LARS1: variants seen among roughly 807,000 people sequenced by gnomAD.
The protein encoded by LARS1 is leucyl-tRNA synthetase 1, also known as leucine--tRNA ligase, cytoplasmic.
LARS1 carries 100 observed loss-of-function variants against 162.8 expected under a neutral mutation model. That is an observed-to-expected ratio of 0.61 (90% confidence interval 0.52 to 0.73). The LOEUF (loss-of-function observed/expected upper bound fraction) is 0.73, where lower values mean the gene tolerates loss of function less well. Ranked by LOEUF, LARS1 falls within the 30% of genes least tolerant of loss-of-function variation. The pLI is 0.00. For missense variants in LARS1, 1,258 were observed against 1,408.9 expected (o/e 0.89, Z 1.71); for synonymous variants, 457 against 462.8 (o/e 0.99, Z 0.16).
intron 21 of LARS1, among the ~76,000 whole-genome samples, chr5:146,136,311 A>G (rs1217236773): frequency 1.3e-5 from 2 of 152,232 alleles, no homozygotes; most frequent in African/African-American, 4.8e-5. Context: ...ACTTTCAGAC[A>G]GCCAAAGAAA....
Position 146,114,058 on chromosome 5 carries a change from G to C in LARS1, c.*48C>G, listed in dbSNP as rs1489043762. On this transcript the variant is annotated 3_prime_UTR_variant, in exon 32 of 32. Coordinates refer to ENST00000394434, the MANE Select transcript of LARS1 (RefSeq NM_020117.11). ...TAGCCAATCAGTAGACACAATCAGA[G>C]TAGTAGTATTCCTAAGAAACCAGGA... The C allele has an allele frequency of 7.2e-7, 1 of 1,390,360 alleles. No individual in the cohort carries two copies. The highest frequency in any genetic ancestry group is 1.0e-6 in the Non-Finnish European group (1 of 978,100). 86.1% of individuals were successfully genotyped at this position (1,390,360 alleles called of 1,614,324 possible). A position where few individuals can be genotyped will look rare whatever the true frequency, so the allele number is the denominator to read the frequency against.
In LARS1 at chr5:146,144,551, A is replaced by T. The variant is rs1303882872; in HGVS notation, c.1590-14T>A. On this transcript the variant is annotated splice_polypyrimidine_tract_variant and intron_variant, in intron 16 of 31. Coordinates refer to ENST00000394434, the MANE Select transcript of LARS1 (RefSeq NM_020117.11). ...TAATCCAAGTACCTGGGAGTGGACA[A>T]ATTGATATGTTTTTTTTTAAGTCAA... The T allele has an allele frequency of 1.2e-6, 2 of 1,613,714 alleles. No individual in the cohort carries two copies. Among genetic ancestry groups the T allele is most frequent in the Non-Finnish European group, 1.7e-6 (2 of 1,179,846 alleles).
chr5:146,115,520 C>G (rs571638029), intron 31 of LARS1, among the ~76,000 whole-genome samples: 67 of 145,500 alleles, frequency 4.6e-4, no homozygotes, highest in Admixed American at 2.8e-3. Context: ...AGGTCTAATA[C>G]CCACCCTGCT....
At chr5:146,169,125 A>T (rs1367401814) in intron 4 of LARS1, among the ~76,000 whole-genome samples, 3 of 151,766 alleles carry the variant, frequency 2.0e-5, no homozygotes, top group Admixed American at 6.6e-5. Flanking sequence ...GAAAGAAAGA[A>T]AGATAGATTA....
intron 22 of LARS1, among the ~76,000 whole-genome samples, chr5:146,135,342 G>A (rs1313544353): frequency 1.3e-5 from 2 of 152,020 alleles, no homozygotes; most frequent in South Asian, 4.2e-4. Context: ...TACAAAACAA[G>A]TCTTGAATCT....
intron 20 of LARS1, 33 bp from the exon 21 acceptor site, chr5:146,140,294 A>G: frequency 6.4e-7 from 1 of 1,560,522 alleles, no homozygotes; most frequent in South Asian, 1.1e-5. Context: ...ATAGAAAATA[A>G]AAAAACAAAG....
chr5:146,140,128 TAA>T, intron 21 of LARS1, 74 bp downstream of exon 21: 1 of 1,140,558 alleles, frequency 8.8e-7, no homozygotes, highest in Non-Finnish European at 1.3e-6. Context: ...TACATACATT[TAA>T]AAAAAAGTGC....
intron 30 of LARS1, among the ~76,000 whole-genome samples, chr5:146,121,966 A>C (rs1751842167): frequency 6.6e-6 from 1 of 152,144 alleles, no homozygotes; most frequent in Non-Finnish European, 1.5e-5. Flanking sequence ...CCCAGAACTT[A>C]AATTAAAAAA....
chr5:146,164,501 T>A, intron 5 of LARS1, 30 bp from the exon 6 acceptor site: 1 of 1,606,748 alleles, frequency 6.2e-7, no homozygotes. Flanking sequence ...ATAAACTCGA[T>A]CAAAGAATAA....
intron 30 of LARS1, among the ~76,000 whole-genome samples, chr5:146,120,721 A>T (rs974555503): frequency 9.9e-5 from 15 of 152,190 alleles, no homozygotes; most frequent in African/African-American, 3.6e-4. Flanking sequence ...ATCAACACCA[A>T]TGATGGACAC....
chr5:146,131,156 T>C (rs1012482225), intron 23 of LARS1, 47 bp from the exon 24 acceptor site: 1 of 890,128 alleles, frequency 1.1e-6, no homozygotes, highest in Non-Finnish European at 1.7e-6. Flanking sequence ...AAGGCACTTA[T>C]ACATAGCTAT....
chr5:146,147,546 G>A (rs767743611), intron 15 of LARS1, among the ~76,000 whole-genome samples: 7 of 151,834 alleles, frequency 4.6e-5, no homozygotes, highest in Non-Finnish European at 1.0e-4. Context: ...TTTTCCATAC[G>A]ATTCTTTAAA....
rs140358878 is a variant in LARS1 at position 146,160,242 on chromosome 5, C to T, written c.707+132G>A. 688 of 478,182 alleles carry T rather than the reference C, an allele frequency of 1.4e-3. 13 individuals carry two copies. In the East Asian group the frequency reaches 0.022, roughly 15 times the overall value. The allele number at this position is 478,182 out of a possible 1,614,324, so 29.6% of individuals were successfully genotyped here. ...AAAGAGATGTGGTCTCGCTATGTTGCCCAGGCTGGTCTCAAACTCCTGGCC... is the reference window on the plus strand; with the variant it reads ...AAAGAGATGTGGTCTCGCTATGTTGTCCAGGCTGGTCTCAAACTCCTGGCC... On this transcript the variant is annotated intron_variant, in intron 7 of 31. Coordinates refer to ENST00000394434, the MANE Select transcript of LARS1 (RefSeq NM_020117.11).
intron 12 of LARS1, among the ~76,000 whole-genome samples, 200 bp downstream of exon 12, chr5:146,153,534 A>T (rs1176544150): frequency 7.2e-6 from 1 of 139,824 alleles, no homozygotes; most frequent in Non-Finnish European, 1.5e-5. Flanking sequence ...AAATGTGAAT[A>T]TCAGAAAGCT....
intron 31 of LARS1, among the ~76,000 whole-genome samples, chr5:146,118,939 C>G (rs975560166): frequency 1.3e-5 from 2 of 152,196 alleles, no homozygotes; most frequent in Non-Finnish European, 2.9e-5. Context: ...TATACTGTTG[C>G]TGCTGATGCT....
chr5:146,154,763 G>A (rs1456628204), intron 10 of LARS1, among the ~76,000 whole-genome samples: 2 of 152,060 alleles, frequency 1.3e-5, no homozygotes, highest in East Asian at 3.9e-4. Flanking sequence ...GGGTGACAGA[G>A]GGAGACCCCG....
intron 29 of LARS1, among the ~76,000 whole-genome samples, chr5:146,123,316 G>A (rs1181617905): frequency 6.6e-6 from 1 of 151,826 alleles, no homozygotes; most frequent in Admixed American, 6.6e-5. Context: ...TAAGTTGTCT[G>A]AGACCAGCTT....
chr5:146,164,246 G>T, intron 6 of LARS1, 64 bp downstream of exon 6: 1 of 1,342,196 alleles, frequency 7.5e-7, no homozygotes, highest in Non-Finnish European at 1.0e-6. Flanking sequence ...GCACAATAAA[G>T]CAAAGCACAA....
chr5:146,143,917 G>A (rs568381901), intron 18 of LARS1, among the ~76,000 whole-genome samples: 2 of 152,182 alleles, frequency 1.3e-5, no homozygotes, highest in Admixed American at 6.5e-5. Flanking sequence ...CAGGAGAATC[G>A]CTTGAACCCG....
Sources: allele counts gnomAD v4.1 joint callset (sites outside exome capture counted in the v4.1 genomes callset), GRCh38; gene constraint gnomAD v4.1.1; transcripts MANE v1.5; gene names NCBI Gene and HGNC (gene_info 2026-07-23, HGNC 2026-07-21).